CEP128: variants seen among roughly 807,000 people sequenced by gnomAD.
The protein encoded by CEP128 is centrosomal protein 128kDa.
Under a neutral mutation model 156.7 loss-of-function variants are expected in CEP128, and 132 were observed. The observed-to-expected ratio is 0.84, with a 90% CI of 0.73 to 0.97. CEP128 has a LOEUF of 0.97. CEP128 is among the 50% of genes least tolerant of loss of function. The pLI, the probability that CEP128 is intolerant of heterozygous loss-of-function variation, is 0.00. For synonymous variants in CEP128, 469 were observed against 448.9 expected (o/e 1.04, Z -0.57); for missense variants, 1,252 against 1,281.9 (o/e 0.98, Z 0.36).
intron 19 of CEP128, among the ~76,000 whole-genome samples, chr14:80,738,840 CCA>C (rs1595319644): frequency 6.6e-6 from 1 of 152,280 alleles, no homozygotes; most frequent in East Asian, 1.9e-4. Context: ...GCCTAAGTCT[CCA>C]CACATAAGGG....
chr14:80,949,824 A>G (rs1160996901), intron 2 of CEP128, among the ~76,000 whole-genome samples: 1 of 152,226 alleles, frequency 6.6e-6, no homozygotes, highest in Non-Finnish European at 1.5e-5. Context: ...CATACAAAGA[A>G]TAGAAAATGC....
At chr14:80,565,472 GC>G (rs1258567969) in intron 20 of CEP128, among the ~76,000 whole-genome samples, 1 of 152,134 alleles carries the variant, frequency 6.6e-6, no homozygotes, top group African/African-American at 2.4e-5. Context: ...CTCCTGCAGA[GC>G]CAGCTCTGCG....
intron 21 of CEP128, among the ~76,000 whole-genome samples, chr14:80,540,206 C>T (rs1003658979): frequency 6.8e-6 from 1 of 146,812 alleles, no homozygotes; most frequent in African/African-American, 2.7e-5. Flanking sequence ...CACCCCCCCC[C>T]CTTTTGAAAC....
intron 16 of CEP128, among the ~76,000 whole-genome samples, chr14:80,771,300 G>A (rs1900498256): frequency 6.6e-6 from 1 of 152,102 alleles, no homozygotes; most frequent in African/African-American, 2.4e-5. Context: ...AATAAATAAA[G>A]GAGAAGAATA....
chr14:80,568,269 C>A (rs1435906849), intron 20 of CEP128, among the ~76,000 whole-genome samples: 1 of 152,172 alleles, frequency 6.6e-6, no homozygotes, highest in Non-Finnish European at 1.5e-5. Context: ...ACCACAGAAT[C>A]CTTCCTCCCA....
intron 21 of CEP128, among the ~76,000 whole-genome samples, chr14:80,538,434 T>A (rs1371155343): frequency 6.6e-6 from 1 of 152,190 alleles, no homozygotes; most frequent in Non-Finnish European, 1.5e-5. Flanking sequence ...AATTTCCTTA[T>A]CCAGTTAACA....
chr14:80,687,149 T>C (rs118078357), intron 19 of CEP128, among the ~76,000 whole-genome samples: 1,683 of 152,224 alleles, frequency 0.011, 23 homozygotes, highest in Non-Finnish European at 0.014. Flanking sequence ...TGGTACTTAC[T>C]CTAAAATCAA....
intron 23 of CEP128, among the ~76,000 whole-genome samples, chr14:80,508,972 A>G (rs749648430): frequency 3.9e-5 from 6 of 152,136 alleles, no homozygotes; most frequent in Non-Finnish European, 8.8e-5. Context: ...CAGAAAACTT[A>G]CAATCATGGC....
chr14:80,755,973 C>A (rs1899639399), intron 18 of CEP128, among the ~76,000 whole-genome samples: 1 of 152,172 alleles, frequency 6.6e-6, no homozygotes, highest in Non-Finnish European at 1.5e-5. Flanking sequence ...GATTAAGAAT[C>A]ATCTGTGGCT....
intron 2 of CEP128, among the ~76,000 whole-genome samples, chr14:80,952,917 A>G (rs920415866): frequency 3.3e-5 from 5 of 152,226 alleles, no homozygotes; most frequent in Admixed American, 6.5e-5. Flanking sequence ...ACAATTCATT[A>G]TATGACACAA....
intron 19 of CEP128, among the ~76,000 whole-genome samples, chr14:80,592,882 GAACC>G (rs1892141682): frequency 6.6e-6 from 1 of 152,114 alleles, no homozygotes; most frequent in Non-Finnish European, 1.5e-5. Flanking sequence ...TATGTAAATA[GAACC>G]AACAACAAAA....
chr14:80,628,043 C>T (rs1347231957), intron 19 of CEP128, among the ~76,000 whole-genome samples: 2 of 152,054 alleles, frequency 1.3e-5, no homozygotes, highest in African/African-American at 4.8e-5. Context: ...AGTAAGCGTA[C>T]TAGTGAAAAA....
At chr14:80,499,822 C>T (rs1887655006) in intron 24 of CEP128, among the ~76,000 whole-genome samples, 1 of 152,116 alleles carries the variant, frequency 6.6e-6, no homozygotes, top group Non-Finnish European at 1.5e-5. Flanking sequence ...GGTCAGTTGC[C>T]ACTTTTGAAA....
At chr14:80,845,763 C>G (rs552609643) in intron 9 of CEP128, among the ~76,000 whole-genome samples, 1 of 152,216 alleles carries the variant, frequency 6.6e-6, no homozygotes, top group African/African-American at 2.4e-5. Flanking sequence ...ATGAATAAGT[C>G]TATCTGTAGC....
At chr14:80,675,173 T>C (rs1395493876) in intron 19 of CEP128, among the ~76,000 whole-genome samples, 2 of 152,064 alleles carry the variant, frequency 1.3e-5, no homozygotes, top group African/African-American at 2.4e-5. Flanking sequence ...AAGTAGACAA[T>C]ATAATATAAG....
chr14:80,485,818 G>A (rs1438939918), downstream of CEP128, among the ~76,000 whole-genome samples: 1 of 152,216 alleles, frequency 6.6e-6, no homozygotes, highest in African/African-American at 2.4e-5. Flanking sequence ...TGGCGTATGT[G>A]CCTGTCCAAT....
chr14:80,499,587 A>C (rs752230170), intron 24 of CEP128, among the ~76,000 whole-genome samples: 3 of 152,174 alleles, frequency 2.0e-5, no homozygotes, highest in Non-Finnish European at 4.4e-5. Flanking sequence ...ACAGTTTTAG[A>C]TTTACAGGAA....
intron 9 of CEP128, among the ~76,000 whole-genome samples, chr14:80,848,716 G>GAAAA (rs1886736609): frequency 6.6e-6 from 1 of 151,602 alleles, no homozygotes; most frequent in Non-Finnish European, 1.5e-5. Flanking sequence ...AAATTAGGGT[G>GAAAA]AGAGGAATTC....
At chr14:80,779,425 T>C (rs1900980145) in intron 15 of CEP128, among the ~76,000 whole-genome samples, 2 of 152,202 alleles carry the variant, frequency 1.3e-5, no homozygotes, top group African/African-American at 4.8e-5. Context: ...CAAAATAAAT[T>C]TACAAAATAA....
Sources: gnomAD v4.1 joint callset for allele counts (sites outside exome capture counted in the v4.1 genomes callset) on GRCh38, gnomAD v4.1.1 for gene constraint, MANE v1.5 for transcripts, NCBI Gene and HGNC (gene_info 2026-07-23, HGNC 2026-07-21) for gene names.